The following STXBP5L variants were observed in gnomAD, a reference collection of about 807,000 sequenced individuals.
STXBP5L encodes the protein syntaxin binding protein 5L.
In STXBP5L, 65 loss-of-function variants were observed where a neutral mutation model predicts 144.5. The observed-to-expected ratio is 0.45, with a 90% confidence interval of 0.37 to 0.55. The LOEUF (loss-of-function observed/expected upper bound fraction) is 0.55, where lower values mean the gene tolerates loss of function less well. Among genes scored for constraint, STXBP5L ranks in the 20% least tolerant of loss-of-function variants. The pLI, the probability that STXBP5L is intolerant of heterozygous loss-of-function variation, is 0.00. For synonymous variants in STXBP5L, 505 were observed against 469.6 expected (o/e 1.08, Z -0.97); for missense variants, 1,298 against 1,405.5 (o/e 0.92, Z 1.22).
At chr3:120,918,442 C>T (rs1005701964) in intron 2 of STXBP5L, among the ~76,000 whole-genome samples, 2 of 152,102 alleles carry the variant, frequency 1.3e-5, no homozygotes, top group Non-Finnish European at 2.9e-5. Context: ...TAGTATTGAA[C>T]CCCCAGCTTC....
intron 2 of STXBP5L, among the ~76,000 whole-genome samples, chr3:120,933,828 C>A (rs1710100945): frequency 6.6e-6 from 1 of 151,998 alleles, no homozygotes; most frequent in South Asian, 2.1e-4. Flanking sequence ...GATTAAAGAT[C>A]ATTTAGGAAC....
At chr3:121,116,002 A>T (rs1435621639) in intron 6 of STXBP5L, among the ~76,000 whole-genome samples, 2 of 151,954 alleles carry the variant, frequency 1.3e-5, no homozygotes, top group Admixed American at 6.6e-5. Context: ...TGATCCAAAT[A>T]CCTCCCACTA....
At chr3:121,200,477 C>G (rs188962338) in intron 9 of STXBP5L, among the ~76,000 whole-genome samples, 98 of 152,252 alleles carry the variant, frequency 6.4e-4, no homozygotes, top group Admixed American at 1.1e-3. Flanking sequence ...TCTCTGTCTC[C>G]TTCAGTTCCA....
chr3:121,065,596 T>C (rs1429275809), intron 5 of STXBP5L, among the ~76,000 whole-genome samples: 1 of 152,156 alleles, frequency 6.6e-6, no homozygotes, highest in East Asian at 1.9e-4. Flanking sequence ...TTTTCAGAGA[T>C]AGAGCCTCAC....
intron 20 of STXBP5L, among the ~76,000 whole-genome samples, chr3:121,358,283 G>A (rs1374402680): frequency 1.7e-5 from 1 of 57,618 alleles, no homozygotes; most frequent in African/African-American, 8.9e-5. Context: ...CTCACCCTCT[G>A]GTAATTTTCG....
At chr3:121,062,052 C>T (rs2041308504) in intron 5 of STXBP5L, among the ~76,000 whole-genome samples, 2 of 152,128 alleles carry the variant, frequency 1.3e-5, no homozygotes, top group South Asian at 2.1e-4. Context: ...GTAGTTTCTT[C>T]GTAGAGTCGA....
intron 9 of STXBP5L, among the ~76,000 whole-genome samples, chr3:121,201,039 G>C (rs1577194635): frequency 6.6e-6 from 1 of 152,166 alleles, no homozygotes; most frequent in African/African-American, 2.4e-5. Flanking sequence ...GAATATCCTT[G>C]TTAATTTTCT....
chr3:121,180,616 G>A (rs765242425), intron 9 of STXBP5L, among the ~76,000 whole-genome samples: 1 of 152,206 alleles, frequency 6.6e-6, no homozygotes, highest in Non-Finnish European at 1.5e-5. Context: ...GCTCAGGCCT[G>A]TAATACCAGC....
intron 20 of STXBP5L, chr3:121,324,551 T>C: frequency 1.4e-6 from 1 of 698,920 alleles, no homozygotes; most frequent in Non-Finnish European, 2.6e-6. Flanking sequence ...AAATATCAGC[T>C]ATGAGACAGA....
At chr3:121,011,977 C>G (rs1944808202) in intron 3 of STXBP5L, among the ~76,000 whole-genome samples, 1 of 151,716 alleles carries the variant, frequency 6.6e-6, no homozygotes, top group East Asian at 1.9e-4. Flanking sequence ...TTCTATTTCC[C>G]CCAAATCCTC....
intron 3 of STXBP5L, among the ~76,000 whole-genome samples, chr3:121,037,155 A>T (rs1358499754): frequency 6.7e-6 from 1 of 149,682 alleles, no homozygotes; most frequent in Non-Finnish European, 1.5e-5. Context: ...CTTGTCTTGA[A>T]CTCCTGGCTT....
intron 9 of STXBP5L, among the ~76,000 whole-genome samples, chr3:121,186,881 T>A (rs2047405503): frequency 6.6e-6 from 1 of 152,098 alleles, no homozygotes; most frequent in African/African-American, 2.4e-5. Context: ...CTCACACCAG[T>A]TAGAATGGCA....
intron 6 of STXBP5L, among the ~76,000 whole-genome samples, chr3:121,115,585 A>G (rs2044198156): frequency 6.6e-6 from 1 of 152,170 alleles, no homozygotes; most frequent in East Asian, 1.9e-4. Flanking sequence ...GTGAAATGTG[A>G]AATTCTCCAA....
At chr3:121,054,152 T>A (rs567312387) in intron 5 of STXBP5L, among the ~76,000 whole-genome samples, 2 of 152,068 alleles carry the variant, frequency 1.3e-5, no homozygotes, top group Admixed American at 6.6e-5. Flanking sequence ...GGGACTGTAA[T>A]CTAGTTCAAC....
At chr3:121,372,875 T>C (rs3845858) in intron 20 of STXBP5L, among the ~76,000 whole-genome samples, 150,985 of 152,288 alleles carry the variant, frequency 0.99, 74,857 homozygotes, top group East Asian at 1. Flanking sequence ...AAAATATTAA[T>C]TTTTTGTCTA....
chr3:121,299,978 A>C lies in STXBP5L; in HGVS notation c.2111-18497A>C, dbSNP rs1348499896. On this transcript the variant is annotated intron_variant, in intron 19 of 26. Coordinates refer to ENST00000471454, the MANE Select transcript of STXBP5L (RefSeq NM_001308330.2). ...CTGGGCAACAGAGACCTGATCTCAA[A>C]AAAAAAAAAAAAAAAAATACAAAGA... is the stretch of plus-strand genomic sequence containing the variant. Among the ~76,000 whole-genome samples the C allele has an allele frequency of 9.9e-5, 4 of 40,380 alleles. No homozygotes were observed. The East Asian group carries it at 9.5e-3, about 96-fold the overall frequency. 26.5% of individuals were successfully genotyped at this position (40,380 alleles called of 152,430 possible).
rs1576678110 is a variant in STXBP5L, at chr3:121,019,452, A to G, written c.288-22248A>G. On this transcript the variant is annotated intron_variant, in intron 3 of 26. Transcript: ENST00000471454. ...CTTGAAAGCCCCACCTCATGGCTGG[A>G]GGCCAACCAACACAAAACCAACACA... is the stretch of plus-strand genomic sequence containing the variant. Among the ~76,000 whole-genome samples the G allele has an allele frequency of 2.0e-5, 3 of 152,224 alleles. No homozygotes were observed. The South Asian group carries it at 6.2e-4, about 31-fold the overall frequency.
At chr3:121,373,483 T>A (rs1365636117) in intron 20 of STXBP5L, among the ~76,000 whole-genome samples, 1 of 152,106 alleles carries the variant, frequency 6.6e-6, no homozygotes, top group Non-Finnish European at 1.5e-5. Flanking sequence ...CCAAACTACA[T>A]CCCGCCCTGG....
In STXBP5L at chr3:121,413,146, T is replaced by C. The variant is rs1192715521; in HGVS notation, c.2949-12T>C. The C allele has an allele frequency of 6.4e-7, 1 of 1,559,510 alleles. No homozygotes were observed. The highest frequency in any genetic ancestry group is 2.3e-5 in the East Asian group (1 of 43,010). On this transcript the variant is annotated splice_polypyrimidine_tract_variant and intron_variant, in intron 23 of 26. Transcript: ENST00000471454. Reference sequence around the variant, plus strand: ...CTGCATATGATATATGGATTTACTTTTTTCCATTCAGCCTACCTAGTCTTC... The same window carrying C: ...CTGCATATGATATATGGATTTACTTCTTTCCATTCAGCCTACCTAGTCTTC...
Sources: allele counts gnomAD v4.1 joint callset (sites outside exome capture counted in the v4.1 genomes callset), GRCh38; gene constraint gnomAD v4.1.1; transcripts MANE v1.5; gene names NCBI Gene and HGNC (gene_info 2026-07-23, HGNC 2026-07-21).